ULK4: variants seen among roughly 807,000 people sequenced by gnomAD.
ULK4 encodes the protein unc-51 like kinase 4.
A neutral mutation model predicts 160.6 loss-of-function variants in ULK4; 133 were observed. That is an observed-to-expected ratio of 0.83 (90% CI 0.72 to 0.96). The LOEUF (loss-of-function observed/expected upper bound fraction) is 0.96, where lower values mean the gene tolerates loss of function less well. Among genes scored for constraint, ULK4 ranks in the 40% least tolerant of loss-of-function variants. The probability of loss-of-function intolerance (pLI) is 0.00; values close to 1 mark genes in which losing one functional copy is unlikely to be tolerated. For missense variants in ULK4, 1,580 were observed against 1,499.5 expected (o/e 1.05, Z -0.89); for synonymous variants, 534 against 539.8 (o/e 0.99, Z 0.15).
At chr3:41,639,446 G>GT (rs2034094812) in intron 30 of ULK4, among the ~76,000 whole-genome samples, 1 of 152,188 alleles carries the variant, frequency 6.6e-6, no homozygotes, top group Non-Finnish European at 1.5e-5. Flanking sequence ...ACAAATGGCT[G>GT]GGTGTGGTGG....
At chr3:41,598,445 C>G (rs1249166856) in intron 31 of ULK4, among the ~76,000 whole-genome samples, 4 of 152,040 alleles carry the variant, frequency 2.6e-5, no homozygotes, top group Non-Finnish European at 5.9e-5. Context: ...CCAGAGCATG[C>G]GAGTAATATA....
intron 31 of ULK4, among the ~76,000 whole-genome samples, chr3:41,610,459 A>C (rs957667962): frequency 1.3e-5 from 2 of 152,200 alleles, no homozygotes; most frequent in Non-Finnish European, 2.9e-5. Context: ...GAACCAATAC[A>C]TATTTGTTGA....
intron 35 of ULK4, 111 bp from the exon 36 acceptor site, chr3:41,249,685 G>T (rs2078708673): frequency 1.2e-5 from 13 of 1,099,724 alleles, no homozygotes; most frequent in Non-Finnish European, 1.7e-5. Context: ...GCTGCCTAAG[G>T]CACTGGGGGG....
At chr3:41,648,830 A>G (rs1340467998) in intron 30 of ULK4, among the ~76,000 whole-genome samples, 1 of 152,102 alleles carries the variant, frequency 6.6e-6, no homozygotes, top group Non-Finnish European at 1.5e-5. Context: ...GCATCAGAAA[A>G]CGCAGTAAAA....
chr3:41,540,797 C>CT lies in ULK4; in HGVS notation c.3226+25227dup, dbSNP rs1326672453. On this transcript the variant is annotated intron_variant, in intron 32 of 36. Coordinates refer to ENST00000301831, the MANE Select transcript of ULK4 (RefSeq NM_017886.4). ...AGTTCTCTATGACCAGTAAGATAAG[C>CT]TTTTTTCATATGTTTGTTGGCTGCA... Among the ~76,000 whole-genome samples, 4 of 152,060 alleles carry CT rather than the reference C, an allele frequency of 2.6e-5. No individual in the cohort carries two copies. The East Asian group carries it at 7.7e-4, about 29-fold the overall frequency.
At chr3:41,406,796 C>T (rs1386600) in intron 34 of ULK4, among the ~76,000 whole-genome samples, 87,292 of 152,080 alleles carry the variant, frequency 0.57, 26,579 homozygotes, top group African/African-American at 0.81. Context: ...GGGAAGGGTA[C>T]ACCCAACTGC....
In ULK4 at chr3:41,444,361, T is replaced by TTCTCTCTCTCTCTCTC. The variant is rs56744200; in HGVS notation, c.3492+11120_3492+11135dup. 4.3e-3 allele frequency among the ~76,000 whole-genome samples: 637 copies of TTCTCTCTCTCTCTCTC among 146,630 alleles called. 6 individuals carry two copies. Among genetic ancestry groups the TTCTCTCTCTCTCTCTC allele is most frequent in the African/African-American group, 0.014 (562 of 39,416 alleles). On this transcript the variant is annotated intron_variant, in intron 34 of 36. Coordinates refer to ENST00000301831, the MANE Select transcript of ULK4 (RefSeq NM_017886.4). ...TCTCTTTCTAAATGATTTAAGTGAC[T>TTCTCTCTCTCTCTCTC]TCTCTCTCTCTCTCTCTCTCTCTCT... is the stretch of plus-strand genomic sequence containing the variant.
intron 32 of ULK4, among the ~76,000 whole-genome samples, chr3:41,558,070 C>G (rs2087370939): frequency 6.6e-6 from 1 of 152,144 alleles, no homozygotes; most frequent in African/African-American, 2.4e-5. Flanking sequence ...ACAAAACTTA[C>G]TTATGCATAT....
At chr3:41,452,142 C>G (rs1156868016) in intron 34 of ULK4, among the ~76,000 whole-genome samples, 11 of 152,072 alleles carry the variant, frequency 7.2e-5, no homozygotes, top group Admixed American at 7.2e-4. Flanking sequence ...ACCTCTGTGG[C>G]CTACACAGAG....
intron 3 of ULK4, among the ~76,000 whole-genome samples, chr3:41,936,904 A>G (rs1214008611): frequency 6.6e-6 from 1 of 152,210 alleles, no homozygotes; most frequent in Non-Finnish European, 1.5e-5. Flanking sequence ...AAAATAACTA[A>G]AAGAATATAA....
At chr3:41,347,431 C>T (rs1338384413) in intron 35 of ULK4, among the ~76,000 whole-genome samples, 1 of 152,178 alleles carries the variant, frequency 6.6e-6, no homozygotes, top group Non-Finnish European at 1.5e-5. Context: ...CTCCAGCTCT[C>T]AAAAATCATG....
intron 21 of ULK4, among the ~76,000 whole-genome samples, chr3:41,770,842 T>C (rs17215183): frequency 0.12 from 18,848 of 152,068 alleles, 1,352 homozygotes; most frequent in Middle Eastern, 0.27. Flanking sequence ...CATAAGTAAA[T>C]AGGGTAAAGG....
chr3:41,694,323 G>A (rs568626878), intron 27 of ULK4, among the ~76,000 whole-genome samples: 1 of 152,340 alleles, frequency 6.6e-6, no homozygotes, highest in African/African-American at 2.4e-5. Context: ...TCCAGGGACA[G>A]AACAATGTGT....
At chr3:41,414,246 G>C (rs748039898) in intron 34 of ULK4, among the ~76,000 whole-genome samples, 2 of 151,934 alleles carry the variant, frequency 1.3e-5, no homozygotes, top group African/African-American at 4.8e-5. Context: ...ATATCCATTC[G>C]GCATCTTGTA....
At chr3:41,414,851 G>A (rs1040615732) in intron 34 of ULK4, among the ~76,000 whole-genome samples, 6 of 152,130 alleles carry the variant, frequency 3.9e-5, no homozygotes, top group African/African-American at 1.2e-4. Context: ...CTCTTGAGAA[G>A]GATACTTGGT....
At chr3:41,692,327 T>C (rs1480336387) in intron 27 of ULK4, among the ~76,000 whole-genome samples, 1 of 152,090 alleles carries the variant, frequency 6.6e-6, no homozygotes, top group Non-Finnish European at 1.5e-5. Context: ...AAACATGTTC[T>C]AAACCTTTGA....
intron 35 of ULK4, among the ~76,000 whole-genome samples, chr3:41,319,422 A>G (rs1281851536): frequency 6.6e-6 from 1 of 152,256 alleles, no homozygotes; most frequent in Non-Finnish European, 1.5e-5. Context: ...TAATTCATCA[A>G]GAATTAGCCA....
At chr3:41,420,168 A>T (rs2082628011) in intron 34 of ULK4, among the ~76,000 whole-genome samples, 1 of 152,082 alleles carries the variant, frequency 6.6e-6, no homozygotes, top group South Asian at 2.1e-4. Context: ...TTTCTTGGTT[A>T]GTCTCTCACA....
intron 35 of ULK4, among the ~76,000 whole-genome samples, chr3:41,278,322 C>G (rs1388061403): frequency 6.6e-6 from 1 of 152,220 alleles, no homozygotes; most frequent in Non-Finnish European, 1.5e-5. Context: ...CACTACAGCT[C>G]AGCAAGACCT....
Sources: allele counts gnomAD v4.1 joint callset (sites outside exome capture counted in the v4.1 genomes callset), GRCh38; gene constraint gnomAD v4.1.1; transcripts MANE v1.5; gene names NCBI Gene and HGNC (gene_info 2026-07-23, HGNC 2026-07-21).